SLC9A2: variants seen among roughly 807,000 people sequenced by gnomAD.
SLC9A2 encodes the protein sodium/hydrogen exchanger 2.
SLC9A2 carries 42 observed loss-of-function variants against 71.7 expected under a neutral mutation model. That is an observed-to-expected ratio of 0.59 (90% CI 0.46 to 0.76). The LOEUF is 0.76. SLC9A2 is among the 30% of genes least tolerant of loss of function. The pLI, the probability that SLC9A2 is intolerant of heterozygous loss-of-function variation, is 0.00. For missense variants in SLC9A2, 829 were observed against 1,017.4 expected, an observed-to-expected ratio of 0.81 and a Z score of 2.52; for synonymous variants, 396 against 392.5, an observed-to-expected ratio of 1.01 and a Z score of -0.10.
At chr2:102,629,318 T>C (rs1199176929) in intron 1 of SLC9A2, among the ~76,000 whole-genome samples, 2 of 152,168 alleles carry the variant, frequency 1.3e-5, no homozygotes, top group African/African-American at 4.8e-5. Flanking sequence ...TGGCTCAAAG[T>C]GTATTTTTTC....
chr2:102,697,695 G>A (rs1677794255), intron 7 of SLC9A2, among the ~76,000 whole-genome samples: 1 of 147,380 alleles, frequency 6.8e-6, no homozygotes, highest in Non-Finnish European at 1.5e-5. Context: ...GCGGGGGGAT[G>A]TGGTGCTGAC....
chr2:102,693,755 G>T (rs1170856633), intron 5 of SLC9A2, among the ~76,000 whole-genome samples: 1 of 152,106 alleles, frequency 6.6e-6, no homozygotes, highest in Non-Finnish European at 1.5e-5. Context: ...GTTTTCGGAA[G>T]TATCTGACTT....
intron 5 of SLC9A2, among the ~76,000 whole-genome samples, chr2:102,693,958 A>G (rs961387174): frequency 1.3e-5 from 2 of 151,960 alleles, no homozygotes; most frequent in African/African-American, 4.8e-5. Context: ...ACTGGATAAT[A>G]CTTTATTATT....
chr2:102,656,833 C>T (rs1175502850), intron 1 of SLC9A2, among the ~76,000 whole-genome samples: 1 of 152,138 alleles, frequency 6.6e-6, no homozygotes, highest in South Asian at 2.1e-4. Flanking sequence ...AACTGCCTTG[C>T]CTACTCATTA....
chr2:102,659,179 T>C (rs997273376), intron 2 of SLC9A2, among the ~76,000 whole-genome samples: 2 of 151,570 alleles, frequency 1.3e-5, no homozygotes, highest in Non-Finnish European at 2.9e-5. Context: ...GGGAGGCTCA[T>C]GCCTTTGGGA....
At position 102,619,819 on chromosome 2, in the gene SLC9A2, C is replaced by G. The variant is rs746504681; in HGVS notation, c.-30C>G. 8.2e-6 allele frequency: 12 copies of G among 1,463,604 alleles called. No individual in the cohort carries two copies. The highest frequency in any genetic ancestry group is 7.4e-5 in the East Asian group (3 of 40,736). 90.7% of individuals were successfully genotyped at this position (1,463,604 alleles called of 1,614,324 possible). ...GTTGAGCGCTCGGAGGGCCAACCGC[C>G]GGTCCCCTTGGCGGCAACCGGCGGC... On this transcript the variant is annotated 5_prime_UTR_variant, in exon 1 of 12. Coordinates refer to ENST00000233969, the MANE Select transcript of SLC9A2 (RefSeq NM_003048.6). The surrounding 1 kb of genome is among the most constrained non-coding windows in gnomAD (Gnocchi z 4.3).
At chr2:102,647,420 A>G (rs1676748996) in intron 1 of SLC9A2, among the ~76,000 whole-genome samples, 1 of 152,236 alleles carries the variant, frequency 6.6e-6, no homozygotes. Flanking sequence ...GTACCCTAAC[A>G]TCACAATTAA....
At chr2:102,670,849 C>CTT (rs10687841) in intron 3 of SLC9A2, among the ~76,000 whole-genome samples, 39,569 of 75,712 alleles carry the variant, frequency 0.52, 11,941 homozygotes, top group East Asian at 0.84. Flanking sequence ...GGAAGGCATG[C>CTT]TTTTTTTTTT....
chr2:102,632,059 TACAC>T (rs1359128908), intron 1 of SLC9A2, among the ~76,000 whole-genome samples: 1 of 126,082 alleles, frequency 7.9e-6, no homozygotes, highest in African/African-American at 3.6e-5. Flanking sequence ...CACATATATA[TACAC>T]ACACATATAT....
rs758108352 is a variant in SLC9A2 at position 102,683,326 on chromosome 2, C to T, written c.1070C>T (p.Thr357Met). The part of the protein sequence containing the change: ...VEENVSQKSY[T>M]TIKYFMKMLS... ...GAAAATGTATCTCAGAAATCCTACACGACCATCAAGTACTTCATGAAGATG... is the reference window on the plus strand; with the variant it reads ...GAAAATGTATCTCAGAAATCCTACATGACCATCAAGTACTTCATGAAGATG... The change falls in exon 4 of 12, where the codon ACG becomes ATG. Residue 357 changes from threonine to methionine, a missense_variant. By Grantham distance (81) the Thr-to-Met change is moderately conservative. Coordinates refer to ENST00000233969, the MANE Select transcript of SLC9A2 (RefSeq NM_003048.6). 9.9e-6 allele frequency: 16 copies of T among 1,613,842 alleles called. No homozygotes were observed. The highest frequency in any genetic ancestry group is 1.3e-5 in the African/African-American group (1 of 74,934).
At position 102,667,509 on chromosome 2, in the gene SLC9A2, G is replaced by A. The variant is rs576576551; in HGVS notation, c.1004+2159G>A. Reference sequence around the variant, plus strand: ...TGGGGGAAAGTTGAAGAATTGGATGGGATGGGAATCCTGGTGCATCCCCCA... The same window carrying A: ...TGGGGGAAAGTTGAAGAATTGGATGAGATGGGAATCCTGGTGCATCCCCCA... On this transcript the variant is annotated intron_variant, in intron 3 of 11. Coordinates refer to ENST00000233969, the MANE Select transcript of SLC9A2 (RefSeq NM_003048.6). Among the ~76,000 whole-genome samples, 3 of 152,284 alleles carry A rather than the reference G, an allele frequency of 2.0e-5. No individual in the cohort carries two copies. In the South Asian group the frequency reaches 6.2e-4, roughly 32 times the overall value.
At chr2:102,646,950 C>A (rs879590742) in intron 1 of SLC9A2, among the ~76,000 whole-genome samples, 1 of 151,994 alleles carries the variant, frequency 6.6e-6, no homozygotes, top group African/African-American at 2.4e-5. Flanking sequence ...GAACTCAGCT[C>A]TGGGCAAAGC....
intron 2 of SLC9A2, among the ~76,000 whole-genome samples, chr2:102,659,911 C>T (rs1677019125): frequency 6.6e-6 from 1 of 152,168 alleles, no homozygotes; most frequent in Non-Finnish European, 1.5e-5. Context: ...GGGAACTTTA[C>T]AAAGAAATAA....
intron 5 of SLC9A2, among the ~76,000 whole-genome samples, chr2:102,685,964 G>C (rs2104541766): frequency 6.6e-6 from 1 of 152,294 alleles, no homozygotes; most frequent in South Asian, 2.1e-4. Context: ...TGAGCCTTGG[G>C]GCGGCCCCAC....
chr2:102,682,688 C>T (rs1677476651), intron 3 of SLC9A2, among the ~76,000 whole-genome samples: 1 of 152,102 alleles, frequency 6.6e-6, no homozygotes, highest in Admixed American at 6.5e-5. Flanking sequence ...AGATATGAGA[C>T]TCAGAACTAA....
chr2:102,702,210 G>T (rs1161704002), intron 8 of SLC9A2, among the ~76,000 whole-genome samples, 196 bp from the exon 9 acceptor site: 2 of 152,146 alleles, frequency 1.3e-5, no homozygotes, highest in South Asian at 4.1e-4. Flanking sequence ...CTTGTGAATT[G>T]TTAAACTTGC....
intron 1 of SLC9A2, among the ~76,000 whole-genome samples, chr2:102,652,859 G>C (rs1475118220): frequency 6.6e-6 from 1 of 152,080 alleles, no homozygotes; most frequent in Non-Finnish European, 1.5e-5. Context: ...GATAATATCA[G>C]GTAGGATGAT....
rs867307629 is a variant in SLC9A2 at position 102,683,356 on chromosome 2, G to A, written c.1100G>A (p.Ser367Asn). The A allele has an allele frequency of 6.2e-7, 1 of 1,613,914 alleles. No individual in the cohort carries two copies. Residue 367 changes from serine (S) to asparagine (N), a missense_variant, in exon 4 of 12, where the codon AGC (serine) becomes AAC (asparagine). Around this residue, in one of 3 missense-constraint regions of SLC9A2, gnomAD observed 500 missense variants for 726.3 expected, o/e 0.69. Coordinates refer to ENST00000233969, the MANE Select transcript of SLC9A2 (RefSeq NM_003048.6). ...TTIKYFMKMLSSVSETLIFIF... is the reference protein window; with the variant it reads ...TTIKYFMKMLNSVSETLIFIF... Reference sequence around the variant, plus strand: ...ATCAAGTACTTCATGAAGATGCTGAGCAGTGTCAGCGAAACCTTGATCTTC... The same window carrying A: ...ATCAAGTACTTCATGAAGATGCTGAACAGTGTCAGCGAAACCTTGATCTTC...
intron 5 of SLC9A2, 57 bp downstream of exon 5, chr2:102,684,393 TTC>T (rs989784947): frequency 6.7e-7 from 1 of 1,501,816 alleles, no homozygotes; most frequent in Non-Finnish European, 9.3e-7. Context: ...GAATATTGGA[TTC>T]TGTTTACAGG....
Sources: gnomAD v4.1 joint callset for allele counts (sites outside exome capture counted in the v4.1 genomes callset) on GRCh38, gnomAD v4.1.1 for gene constraint, gnomAD v4.1.1 regional missense constraint, Gnocchi (gnomAD v3.1) non-coding constraint, MANE v1.5 for transcripts, NCBI Gene and HGNC (gene_info 2026-07-23, HGNC 2026-07-21) for gene names.